Variants in PDZRN4 observed in about 807,000 individuals in gnomAD.
PDZRN4 encodes PDZ domain containing ring finger 4, also known as PDZ domain-containing RING finger protein 4.
A neutral mutation model predicts 99.0 loss-of-function variants in PDZRN4; 70 were observed. The observed-to-expected ratio is 0.71, with a 90% confidence interval of 0.58 to 0.86. PDZRN4 has a LOEUF of 0.86. PDZRN4 is among the 40% of genes least tolerant of loss of function. PDZRN4 has a pLI of 0.00. For missense variants in PDZRN4, 1,474 were observed against 1,331.2 expected (o/e 1.11, Z -1.67); for synonymous variants, 551 against 501.6 (o/e 1.10, Z -1.32).
intron 3 of PDZRN4, among the ~76,000 whole-genome samples, chr12:41,198,999 A>G (rs1027474400): frequency 6.6e-6 from 1 of 152,166 alleles, no homozygotes; most frequent in Non-Finnish European, 1.5e-5. Context: ...TTATTTAGCT[A>G]ACACTCTGCA....
chr12:41,260,168 C>A (rs1951227842), intron 3 of PDZRN4, among the ~76,000 whole-genome samples: 1 of 152,056 alleles, frequency 6.6e-6, no homozygotes, highest in African/African-American at 2.4e-5. Flanking sequence ...TTGGCCAATT[C>A]TTTGGATCAT....
Position 41,404,675 on chromosome 12 carries a change from C to T in PDZRN4, c.844-101781C>T, listed in dbSNP as rs188501065. On this transcript the variant is annotated intron_variant, in intron 3 of 9. Transcript: ENST00000402685. The stretch of plus-strand genomic sequence containing the variant: ...AAAAAAACTATTCTAAAATTCATAC[C>T]GAACTGAAAAAGAGCATGAATAGCA... Among the ~76,000 whole-genome samples the T allele has an allele frequency of 7.9e-5, 12 of 151,366 alleles. No individual in the cohort carries two copies. In the South Asian group the frequency reaches 1.7e-3, roughly 21 times the overall value.
intron 3 of PDZRN4, among the ~76,000 whole-genome samples, chr12:41,282,134 T>G (rs1159111400): frequency 3.9e-5 from 6 of 152,106 alleles, no homozygotes; most frequent in Non-Finnish European, 7.4e-5. Flanking sequence ...ACCCATCTCA[T>G]GTGCAACGAT....
intron 8 of PDZRN4, among the ~76,000 whole-genome samples, chr12:41,567,010 G>A (rs925377412): frequency 6.6e-6 from 1 of 152,084 alleles, no homozygotes; most frequent in Non-Finnish European, 1.5e-5. Flanking sequence ...AAAAGCCGAA[G>A]GGATTTGTTC....
At chr12:41,526,804 G>C (rs1198399325) in intron 5 of PDZRN4, among the ~76,000 whole-genome samples, 1 of 152,062 alleles carries the variant, frequency 6.6e-6, no homozygotes, top group Non-Finnish European at 1.5e-5. Context: ...TAAATACACA[G>C]TGTTAAATTT....
At position 41,271,376 on chromosome 12, in the gene PDZRN4, T is replaced by C. The variant is rs369640349; in HGVS notation, c.843+77188T>C. On this transcript the variant is annotated intron_variant, in intron 3 of 9. Coordinates refer to ENST00000402685, the MANE Select transcript of PDZRN4 (RefSeq NM_001164595.2). The stretch of plus-strand genomic sequence containing the variant: ...GGCCCTATTAAATCACAACTGCAGG[T>C]ACCATTTTTAAGCATCTATAGCATT... Among the ~76,000 whole-genome samples the C allele has an allele frequency of 1.3e-4, 20 of 152,200 alleles. 1 individual carries two copies. The highest frequency in any genetic ancestry group is 4.8e-4 in the African/African-American group (20 of 41,562).
chr12:41,506,397 A>G (rs1938205453), intron 3 of PDZRN4, 59 bp from the exon 4 acceptor site: 1 of 1,490,178 alleles, frequency 6.7e-7, no homozygotes, highest in Non-Finnish European at 9.1e-7. Context: ...TTATTAATCT[A>G]TCATGACAGC....
At chr12:41,345,726 C>A (rs1351574666) in intron 3 of PDZRN4, among the ~76,000 whole-genome samples, 1 of 152,100 alleles carries the variant, frequency 6.6e-6, no homozygotes, top group Non-Finnish European at 1.5e-5. Flanking sequence ...GATGCATACA[C>A]CTTTCTTCCT....
At chr12:41,318,465 C>T (rs1185010268) in intron 3 of PDZRN4, among the ~76,000 whole-genome samples, 4 of 152,300 alleles carry the variant, frequency 2.6e-5, no homozygotes, top group South Asian at 2.1e-4. Flanking sequence ...AATCCCAACA[C>T]CCAGAGACAA....
chr12:41,513,161 A>G (rs1006475884), intron 5 of PDZRN4, among the ~76,000 whole-genome samples: 7 of 152,086 alleles, frequency 4.6e-5, no homozygotes, highest in Non-Finnish European at 8.8e-5. Context: ...ATACATATTT[A>G]GGGACTTTTA....
chr12:41,208,933 TG>T (rs1471641675), intron 3 of PDZRN4, among the ~76,000 whole-genome samples: 2 of 151,992 alleles, frequency 1.3e-5, no homozygotes, highest in Non-Finnish European at 2.9e-5. Flanking sequence ...ATTTTCACCT[TG>T]TTCATGCTAT....
At chr12:41,230,463 C>T (rs1475514953) in intron 3 of PDZRN4, among the ~76,000 whole-genome samples, 3 of 152,004 alleles carry the variant, frequency 2.0e-5, no homozygotes, top group Non-Finnish European at 1.5e-5. Context: ...GCCACCCAAT[C>T]AAAGGTCATA....
At chr12:41,251,593 G>A (rs576077109) in intron 3 of PDZRN4, among the ~76,000 whole-genome samples, 6 of 152,182 alleles carry the variant, frequency 3.9e-5, no homozygotes, top group Admixed American at 2.6e-4. Context: ...TAAAAAGTTA[G>A]TTTATTTTGA....
intron 3 of PDZRN4, among the ~76,000 whole-genome samples, chr12:41,433,920 G>A (rs1952605959): frequency 6.6e-6 from 1 of 152,134 alleles, no homozygotes; most frequent in African/African-American, 2.4e-5. Flanking sequence ...TCAGTTTAAT[G>A]AATAGTAATG....
chr12:41,555,642 A>G (rs1159452876), intron 6 of PDZRN4, 56 bp from the exon 7 acceptor site: 2 of 1,306,146 alleles, frequency 1.5e-6, no homozygotes, highest in African/African-American at 1.5e-5. Context: ...CATATTTTTA[A>G]GTTCTTGAGG....
chr12:41,397,505 T>C (rs918037451), intron 3 of PDZRN4, among the ~76,000 whole-genome samples: 1 of 152,206 alleles, frequency 6.6e-6, no homozygotes, highest in Admixed American at 6.5e-5. Context: ...TTATTTTCAT[T>C]TGGCAGATAA....
intron 3 of PDZRN4, among the ~76,000 whole-genome samples, chr12:41,266,979 A>G (rs891864753): frequency 6.6e-6 from 1 of 152,174 alleles, no homozygotes; most frequent in African/African-American, 2.4e-5. Context: ...CTGTCCATCT[A>G]TACAGTTAGA....
At chr12:41,496,861 A>G (rs1222619810) in intron 3 of PDZRN4, among the ~76,000 whole-genome samples, 1 of 152,160 alleles carries the variant, frequency 6.6e-6, no homozygotes. Flanking sequence ...ACTAAACACA[A>G]TTTCCAGTTT....
At chr12:41,189,498 G>C (rs1950721612) in intron 1 of PDZRN4, among the ~76,000 whole-genome samples, 1 of 152,124 alleles carries the variant, frequency 6.6e-6, no homozygotes, top group Non-Finnish European at 1.5e-5. Flanking sequence ...AGAAAGCGAA[G>C]ACTTTCCCGG....
Sources: allele counts gnomAD v4.1 joint callset (sites outside exome capture counted in the v4.1 genomes callset), GRCh38; gene constraint gnomAD v4.1.1; transcripts MANE v1.5; gene names NCBI Gene and HGNC (gene_info 2026-07-23, HGNC 2026-07-21).